Variants in MCTP1 observed in about 807,000 individuals in gnomAD.
MCTP1 encodes the protein multiple C2 and transmembrane domain-containing protein 1.
MCTP1 carries 69 observed loss-of-function variants against 120.6 expected under a neutral mutation model. The ratio of observed to expected loss-of-function variants is 0.57; its 90% CI spans 0.47 to 0.70. The LOEUF is 0.70. MCTP1 is among the 30% of genes least tolerant of loss of function. MCTP1 has a pLI of 0.00. For synonymous variants in MCTP1, 529 were observed against 493.1 expected, an observed-to-expected ratio of 1.07 and a Z score of -0.96; for missense variants, 1,203 against 1,248.8, an observed-to-expected ratio of 0.96 and a Z score of 0.55.
intron 6 of MCTP1, among the ~76,000 whole-genome samples, chr5:94,925,434 A>G (rs1812806907): frequency 6.6e-6 from 1 of 151,902 alleles, no homozygotes; most frequent in Admixed American, 6.6e-5. Flanking sequence ...TTTGAGACAG[A>G]GTCTTGCTCT....
chr5:95,158,440 T>C (rs541970986), intron 1 of MCTP1, among the ~76,000 whole-genome samples: 1 of 152,330 alleles, frequency 6.6e-6, no homozygotes, highest in African/African-American at 2.4e-5. Context: ...AAGGCTGTGA[T>C]GGCTTTTTAA....
At chr5:95,237,133 T>G (rs1157481447) in intron 1 of MCTP1, among the ~76,000 whole-genome samples, 1 of 152,156 alleles carries the variant, frequency 6.6e-6, no homozygotes, top group Non-Finnish European at 1.5e-5. Context: ...CCACATCCTC[T>G]CTGGATTGGC....
intron 19 of MCTP1, among the ~76,000 whole-genome samples, chr5:94,750,296 G>T (rs1419545712): frequency 6.6e-6 from 1 of 152,206 alleles, no homozygotes; most frequent in East Asian, 1.9e-4. Flanking sequence ...ACGTACAGGG[G>T]GAAGCATTAT....
At chr5:94,873,372 TAAAAA>T (rs1366288499) in intron 12 of MCTP1, 131 bp from the exon 13 acceptor site, 4 of 513,538 alleles carry the variant, frequency 7.8e-6, no homozygotes, top group Non-Finnish European at 1.4e-5. Flanking sequence ...TTTTAAAAAT[TAAAAA>T]AAGAAACCAC....
chr5:95,159,777 C>T (rs1369999886), intron 1 of MCTP1, among the ~76,000 whole-genome samples: 1 of 151,864 alleles, frequency 6.6e-6, no homozygotes, highest in Non-Finnish European at 1.5e-5. Context: ...AAGGCAAGTA[C>T]TATGAATAAA....
intron 9 of MCTP1, among the ~76,000 whole-genome samples, chr5:94,910,611 GGAAA>G (rs1808293651): frequency 6.6e-6 from 1 of 152,074 alleles, no homozygotes; most frequent in Admixed American, 6.5e-5. Context: ...GATAGATCAA[GGAAA>G]GAAAGAGCAA....
At chr5:94,754,116 T>G (rs1337856986) in intron 19 of MCTP1, among the ~76,000 whole-genome samples, 1 of 152,176 alleles carries the variant, frequency 6.6e-6, no homozygotes, top group Non-Finnish European at 1.5e-5. Flanking sequence ...GAATTCCATA[T>G]GAGATAAATA....
At chr5:95,203,271 C>G (rs1751272833) in intron 1 of MCTP1, among the ~76,000 whole-genome samples, 2 of 152,186 alleles carry the variant, frequency 1.3e-5, no homozygotes, top group African/African-American at 4.8e-5. Flanking sequence ...CACTTTTGCT[C>G]TCATGTTTTC....
rs574775107 is a variant in MCTP1, at chr5:94,836,990, C to A, written c.2436+31343G>T. On this transcript the variant is annotated intron_variant, in intron 17 of 22. Transcript: ENST00000515393. ...AAGCAAATCTTGTTGAAATATCTGA[C>A]TTTTAATCTCTTTCCAGGAAGATTC... 2.0e-5 allele frequency among the ~76,000 whole-genome samples: 3 copies of A among 152,170 alleles called. No homozygotes were observed. The East Asian group carries it at 5.8e-4, about 29-fold the overall frequency.
intron 1 of MCTP1, among the ~76,000 whole-genome samples, chr5:95,233,333 T>C (rs1755173562): frequency 6.6e-6 from 1 of 151,932 alleles, no homozygotes; most frequent in Non-Finnish European, 1.5e-5. Flanking sequence ...TACTTCTTTT[T>C]TTTTTTTTTT....
chr5:94,720,198 CAA>C (rs1193738710), intron 19 of MCTP1, among the ~76,000 whole-genome samples: 3 of 151,314 alleles, frequency 2.0e-5, no homozygotes, highest in African/African-American at 7.3e-5. Context: ...TATAAAAAGA[CAA>C]TACAGGGAAG....
intron 1 of MCTP1, among the ~76,000 whole-genome samples, chr5:95,188,285 G>T (rs1016133489): frequency 6.6e-6 from 1 of 152,246 alleles, no homozygotes; most frequent in South Asian, 2.1e-4. Context: ...TGAGAAGTTG[G>T]CTCACCGGTG....
At chr5:95,142,224 C>T (rs766784868) in intron 1 of MCTP1, among the ~76,000 whole-genome samples, 1 of 152,108 alleles carries the variant, frequency 6.6e-6, no homozygotes, top group Non-Finnish European at 1.5e-5. Context: ...TTAGCTTGGT[C>T]ATTGTCTCCA....
intron 12 of MCTP1, among the ~76,000 whole-genome samples, chr5:94,882,054 T>C (rs574554748): frequency 3.3e-5 from 5 of 152,276 alleles, no homozygotes; most frequent in South Asian, 2.1e-4. Flanking sequence ...CTTTTCTTTA[T>C]TCTCTATGGT....
At chr5:94,896,220 C>T (rs763999297) in intron 10 of MCTP1, among the ~76,000 whole-genome samples, 2 of 151,984 alleles carry the variant, frequency 1.3e-5, no homozygotes, top group Non-Finnish European at 2.9e-5. Flanking sequence ...AACATATTCT[C>T]TAATGAAAAA....
At chr5:94,729,681 A>C (rs1762781119) in intron 19 of MCTP1, among the ~76,000 whole-genome samples, 1 of 152,258 alleles carries the variant, frequency 6.6e-6, no homozygotes, top group Non-Finnish European at 1.5e-5. Flanking sequence ...AAGTGCACGT[A>C]GTACAAATGT....
In MCTP1 at chr5:94,920,610, C is replaced by T. The variant is rs1039339183; in HGVS notation, c.1273-2637G>A. On this transcript the variant is annotated intron_variant, in intron 7 of 22. Coordinates refer to ENST00000515393, the MANE Select transcript of MCTP1 (RefSeq NM_024717.7). Reference sequence around the variant, plus strand: ...CAAAAAAATCAGCCAGGCTTGGTGGCGGGCGCTTGTAGTCCCAGCTACTCG... The same window carrying T: ...CAAAAAAATCAGCCAGGCTTGGTGGTGGGCGCTTGTAGTCCCAGCTACTCG... Among the ~76,000 whole-genome samples the T allele has an allele frequency of 4.6e-5, 7 of 151,892 alleles. No individual in the cohort carries two copies. In the South Asian group the frequency reaches 6.2e-4, roughly 13 times the overall value.
At chr5:94,858,669 C>G (rs1392927429) in intron 17 of MCTP1, among the ~76,000 whole-genome samples, 1 of 151,642 alleles carries the variant, frequency 6.6e-6, no homozygotes, top group East Asian at 1.9e-4. Context: ...AGGAGAGTTA[C>G]TATGTTAGTA....
At chr5:95,278,230 T>C (rs750375489) in intron 1 of MCTP1, among the ~76,000 whole-genome samples, 1 of 152,172 alleles carries the variant, frequency 6.6e-6, no homozygotes, top group Non-Finnish European at 1.5e-5. Flanking sequence ...AAAAGGTTGA[T>C]GGTGAAGAGC....
Sources: gnomAD v4.1 joint callset for allele counts (sites outside exome capture counted in the v4.1 genomes callset) on GRCh38, gnomAD v4.1.1 for gene constraint, MANE v1.5 for transcripts, NCBI Gene and HGNC (gene_info 2026-07-23, HGNC 2026-07-21) for gene names.